BMX: variants seen among roughly 807,000 people sequenced by gnomAD.
The protein encoded by BMX is BMX non-receptor tyrosine kinase.
In BMX, 31 loss-of-function variants were observed where a neutral mutation model predicts 59.2. That is an observed-to-expected ratio of 0.52 (90% CI 0.39 to 0.71). The LOEUF (loss-of-function observed/expected upper bound fraction) is 0.71, where lower values mean the gene tolerates loss of function less well. Among genes scored for constraint, BMX ranks in the 30% least tolerant of loss-of-function variants. BMX has a pLI of 0.00. For missense variants in BMX, 474 were observed against 491.7 expected, an observed-to-expected ratio of 0.96 and a Z score of 0.34; for synonymous variants, 185 against 181.0, an observed-to-expected ratio of 1.02 and a Z score of -0.18.
chrX:15,546,986 C>T lies in BMX; in HGVS notation c.1795+65C>T, dbSNP rs1019512333. On this transcript the variant is annotated intron_variant, in intron 17 of 18. Coordinates refer to ENST00000348343, the MANE Select transcript of BMX (RefSeq NM_203281.3). ...AGCTTACTTCCACAACAGGAAACCA[C>T]AAGAGTAGCAATGTCCATTTTAAAA... 2.9e-5 allele frequency: 27 copies of T among 935,059 alleles called. No homozygotes were observed. The South Asian group carries it at 3.8e-4, about 13-fold the overall frequency. The allele number at this position is 935,059 out of a possible 1,213,427, so 77.1% of individuals were successfully genotyped here.
At chrX:15,555,933 C>T (rs1165945587) in intron 18 of BMX, 140 bp from the exon 19 acceptor site, 1 of 533,540 alleles carries the variant, frequency 1.9e-6, no homozygotes. Flanking sequence ...TTATTTCTGA[C>T]CTCAATTGAA....
In BMX at chrX:15,511,513, A is replaced by G. The variant is rs746549419; in HGVS notation, c.320A>G (p.Gln107Arg). The change falls in exon 4 of 19, where the codon CAA (glutamine) becomes CGA (arginine). Residue 107 changes from glutamine (Q) to arginine (R), a missense_variant. Gln to Arg is a conservative substitution (Grantham distance 43, BLOSUM62 1). Transcript: ENST00000348343. ...ESRSQWLKALQKEIRGNPHLL... is the reference protein window; with the variant it reads ...ESRSQWLKALRKEIRGNPHLL... The stretch of plus-strand genomic sequence containing the variant: ...CGAAGTCAGTGGTTGAAAGCATTAC[A>G]AAAAGGTAATTCAAAAAAAGAAATG... 2.5e-6 allele frequency: 3 copies of G among 1,200,072 alleles called. No homozygotes were observed. In the South Asian group the frequency reaches 5.5e-5, roughly 22 times the overall value.
In BMX at chrX:15,523,144, C is replaced by T. The variant is rs780747327; in HGVS notation, c.752+557C>T. ...ATCTCTTGGTATGGCACTGAATTTG[C>T]CCTACACTTGATGCCCAATAAATGT... On this transcript the variant is annotated intron_variant, in intron 7 of 18. Transcript: ENST00000348343. 8.6e-4 allele frequency among the ~76,000 whole-genome samples: 97 copies of T among 112,176 alleles called. 1 individual carries two copies. Among genetic ancestry groups the T allele is most frequent in the Middle Eastern group, 4.6e-3 (1 of 219 alleles).
chrX:15,552,730 A>C (rs776760982), intron 18 of BMX, among the ~76,000 whole-genome samples: 1 of 112,475 alleles, frequency 8.9e-6, no homozygotes, highest in South Asian at 3.7e-4. Context: ...AAGAGCATTG[A>C]AAGTAGTTAT....
chrX:15,501,058 A>G, intron 1 of BMX, 118 bp downstream of exon 1: 1 of 580,329 alleles, frequency 1.7e-6, no homozygotes, highest in Non-Finnish European at 2.1e-6. Context: ...TAAGAAAAAT[A>G]GTACAACATT....
chrX:15,516,448 C>G (rs1375799195), intron 5 of BMX, among the ~76,000 whole-genome samples: 1 of 111,983 alleles, frequency 8.9e-6, no homozygotes, highest in Non-Finnish European at 1.9e-5. Flanking sequence ...TTAACATCTG[C>G]CATTCTTTCA....
chrX:15,504,710 T>C (rs1380617261), intron 1 of BMX, among the ~76,000 whole-genome samples: 1 of 112,718 alleles, frequency 8.9e-6, no homozygotes, highest in Non-Finnish European at 1.9e-5. Context: ...GGTTAACGAA[T>C]GGCTGCTGGC....
At chrX:15,534,003 T>C (rs898919123) in intron 11 of BMX, among the ~76,000 whole-genome samples, 3 of 111,662 alleles carry the variant, frequency 2.7e-5, no homozygotes, top group East Asian at 5.6e-4. Flanking sequence ...AAAAGATACA[T>C]TGAGTTCAGA....
Position 15,546,898 on chromosome X carries a change from G to T in BMX, c.1772G>T (p.Ser591Ile). 1 of 1,209,360 alleles carries T rather than the reference G, an allele frequency of 8.3e-7. No homozygotes were observed. The highest frequency in any genetic ancestry group is 1.8e-5 in the South Asian group (1 of 56,865). The change falls in exon 17 of 19, where the codon AGC becomes ATC. Residue 591 changes from serine to isoleucine, a missense_variant. By Grantham distance (142) the Ser-to-Ile change is moderately radical (BLOSUM62 -2). Transcript: ENST00000348343. ...GTGTTTCATTACTTCAAATACAGCA[G>T]CAAGTCAGACGTATGGGCATTTGGT... ...PEVFHYFKYS[S>I]KSDVWAFGIL... is the part of the protein sequence containing the mutation.
chrX:15,539,243 C>T (rs755864971), intron 14 of BMX, among the ~76,000 whole-genome samples: 1 of 110,639 alleles, frequency 9.0e-6, no homozygotes, highest in Non-Finnish European at 1.9e-5. Context: ...TTTGCCATTA[C>T]CAAGCTGGTA....
chrX:15,514,644 T>C (rs1419835658), intron 4 of BMX, among the ~76,000 whole-genome samples: 3 of 112,340 alleles, frequency 2.7e-5, no homozygotes, highest in Non-Finnish European at 5.6e-5. Flanking sequence ...GGTTTCTCTG[T>C]TGTATTTCAA....
At chrX:15,524,975 A>T (rs994425864) in intron 7 of BMX, among the ~76,000 whole-genome samples, 10 of 112,294 alleles carry the variant, frequency 8.9e-5, no homozygotes, top group African/African-American at 2.9e-4. Flanking sequence ...GCTTGCATAT[A>T]TATAAGAAAA....
At chrX:15,519,104 G>C (rs1347842129) in intron 6 of BMX, among the ~76,000 whole-genome samples, 1 of 111,749 alleles carries the variant, frequency 8.9e-6, no homozygotes, top group East Asian at 2.8e-4. Context: ...ACAGCCTTCT[G>C]TTTTTAGGGT....
At chrX:15,518,095 C>A (rs1249154920) in intron 6 of BMX, 102 bp downstream of exon 6, 2 of 670,689 alleles carry the variant, frequency 3.0e-6, no homozygotes, top group African/African-American at 2.2e-5. Flanking sequence ...ATTTAGACTT[C>A]TCAGCAAAGA....
intron 12 of BMX, among the ~76,000 whole-genome samples, chrX:15,534,675 T>C (rs1032861314): frequency 3.2e-4 from 36 of 111,537 alleles, no homozygotes; most frequent in Non-Finnish European, 6.2e-4. Flanking sequence ...CGTTGGATCA[T>C]GGACCAGTTG....
At position 15,543,698 on chromosome X, in the gene BMX, TTTG is replaced by T. The variant is rs1166855639; in HGVS notation, c.1676+568_1676+570del. On this transcript the variant is annotated intron_variant, in intron 16 of 18. Transcript: ENST00000348343. ...GTAGAGCATTCACACTAGGAAAATTTTTGTTGTCACATCATTAGATTTTCTGCA... is the reference window on the plus strand; with the variant it reads ...GTAGAGCATTCACACTAGGAAAATTTTTGTCACATCATTAGATTTTCTGCA... Among the ~76,000 whole-genome samples, 9 of 111,627 alleles carry T rather than the reference TTTG, an allele frequency of 8.1e-5. No homozygotes were observed. The East Asian group carries it at 2.2e-3, about 28-fold the overall frequency.
At chrX:15,522,640 C>G in intron 7 of BMX, 53 bp downstream of exon 7, 3 of 1,189,632 alleles carry the variant, frequency 2.5e-6, no homozygotes, top group Non-Finnish European at 3.4e-6. Flanking sequence ...AACACTACCC[C>G]GGCTGCCCTG....
intron 12 of BMX, 71 bp downstream of exon 12, chrX:15,534,410 C>T: frequency 1.1e-6 from 1 of 936,534 alleles, no homozygotes; most frequent in Non-Finnish European, 1.4e-6. Flanking sequence ...ACTACTGATC[C>T]TCCTAATATT....
At position 15,500,875 on chromosome X, in the gene BMX, C is replaced by A; in HGVS notation, c.-75C>A. On this transcript the variant is annotated 5_prime_UTR_variant, in exon 1 of 19. Transcript: ENST00000348343. ...CTTCTGGAAACAGGACAGCCGGGGC[C>A]GTGTTCCTGCAACAGCAGACCAAGC... 2.7e-6 allele frequency: 2 copies of A among 753,819 alleles called. No individual in the cohort carries two copies. The highest frequency in any genetic ancestry group is 3.1e-6 in the Non-Finnish European group (2 of 639,310). The allele number at this position is 753,819 out of a possible 1,213,427, so 62.1% of individuals were successfully genotyped here.
Sources: allele counts gnomAD v4.1 joint callset (sites outside exome capture counted in the v4.1 genomes callset), GRCh38; gene constraint gnomAD v4.1.1; transcripts MANE v1.5; gene names NCBI Gene and HGNC (gene_info 2026-07-23, HGNC 2026-07-21).